The following KDM4B variants were observed in gnomAD, a reference collection of about 807,000 sequenced individuals.
KDM4B encodes the protein lysine-specific demethylase 4B.
KDM4B carries 32 observed loss-of-function variants against 125.2 expected under a neutral mutation model. The ratio of observed to expected loss-of-function variants is 0.26; its 90% CI spans 0.19 to 0.34. The LOEUF is 0.34. Among genes scored for constraint, KDM4B ranks in the 10% least tolerant of loss-of-function variants. The pLI is 1.00. For missense variants in KDM4B, 1,190 were observed against 1,577.7 expected, an observed-to-expected ratio of 0.75 and a Z score of 4.16; for synonymous variants, 721 against 677.9, an observed-to-expected ratio of 1.06 and a Z score of -0.99.
In KDM4B at chr19:5,152,489, C is replaced by T. The variant is rs1444661234; in HGVS notation, c.*978C>T. ...CCTTCTGGTTGGTAGTGAGTGTGGACAGCTTCCCAGCTCTTCGGGTACAAC... is the reference window on the plus strand; with the variant it reads ...CCTTCTGGTTGGTAGTGAGTGTGGATAGCTTCCCAGCTCTTCGGGTACAAC... On this transcript the variant is annotated 3_prime_UTR_variant, in exon 23 of 23. Coordinates refer to ENST00000159111, the MANE Select transcript of KDM4B (RefSeq NM_015015.3). The T allele has an allele frequency of 6.6e-6, 1 of 152,312 alleles. No homozygotes were observed. Among genetic ancestry groups the T allele is most frequent in the Non-Finnish European group, 1.5e-5 (1 of 68,114 alleles). 9.4% of individuals were successfully genotyped at this position (152,312 alleles called of 1,614,324 possible). A position where few individuals can be genotyped will look rare whatever the true frequency, so the allele number is the denominator to read the frequency against.
Position 5,137,626 on chromosome 19 carries a change from C to T in KDM4B, c.2391C>T (p.Cys797=). The stretch of plus-strand genomic sequence containing the variant: ...GGGCTGTCTGGTCTCCACAGGAGTG[C>T]TGCCTGTGCAACCTGCGAGGAGGTG... ...RCAAHAWTAE[C]CLCNLRGGAL... Residue 797 remains cysteine, a synonymous_variant, in exon 17 of 23, where the codon TGC becomes TGT. Coordinates refer to ENST00000159111, the MANE Select transcript of KDM4B (RefSeq NM_015015.3). 2 of 1,604,334 alleles carry T rather than the reference C, an allele frequency of 1.2e-6. No homozygotes were observed. Among genetic ancestry groups the T allele is most frequent in the Non-Finnish European group, 1.7e-6 (2 of 1,178,438 alleles).
chr19:4,996,478 G>T (rs1326601134), intron 1 of KDM4B, among the ~76,000 whole-genome samples: 1 of 151,732 alleles, frequency 6.6e-6, no homozygotes, highest in Admixed American at 6.6e-5. Context: ...GGGCTCAAGC[G>T]ATCTCTTGCC....
chr19:5,004,481 A>T (rs574368886), intron 1 of KDM4B, among the ~76,000 whole-genome samples: 1 of 151,948 alleles, frequency 6.6e-6, no homozygotes, highest in Non-Finnish European at 1.5e-5. Context: ...CGTCAGGCCC[A>T]CCCCAGCCCG....
rs751488343 is a variant in KDM4B at position 5,047,535 on chromosome 19, G to A, written c.492G>A (p.Glu164=). 3 of 1,613,728 alleles carry A rather than the reference G, an allele frequency of 1.9e-6. No homozygotes were observed. The highest frequency in any genetic ancestry group is 2.7e-5 in the African/African-American group (2 of 74,930). Residue 164 remains glutamate (E), a synonymous_variant, in exon 6 of 23, where the codon GAG becomes GAA. Transcript: ENST00000159111. ...LRTILDMVER[E]CGTIIEGVNT... ...CCATCCTGGACATGGTGGAGCGCGA[G>A]TGCGGCACCATCATCGAGGGCGTGA...
At chr19:5,139,074 C>CA (rs1206199745) in intron 18 of KDM4B, among the ~76,000 whole-genome samples, 8 of 152,072 alleles carry the variant, frequency 5.3e-5, no homozygotes, top group Non-Finnish European at 1.0e-4. Context: ...AAGCACGTGC[C>CA]AAAAAGTTAG....
chr19:5,094,197 G>C (rs1222604931), intron 9 of KDM4B, among the ~76,000 whole-genome samples: 1 of 152,226 alleles, frequency 6.6e-6, no homozygotes, highest in African/African-American at 2.4e-5. Context: ...CTGACCCCCG[G>C]CAGGCCCTGA....
rs2035233959 is a variant in KDM4B at position 4,997,345 on chromosome 19, TC to T, written c.-108-18907del. ...AGTTTGTGTCCCACTTAGAGAGGTTTCCCCCGCCCTAGGAGTCCAGGAGCGT... is the reference window on the plus strand; with the variant it reads ...AGTTTGTGTCCCACTTAGAGAGGTTTCCCCGCCCTAGGAGTCCAGGAGCGT... On this transcript the variant is annotated intron_variant, in intron 1 of 22. Transcript: ENST00000159111. This position sits in a 1 kb window ranked among gnomAD's most constrained non-coding sequence, Gnocchi z 4.2. 6.6e-6 allele frequency among the ~76,000 whole-genome samples: 1 copy of T among 152,094 alleles called. No individual in the cohort carries two copies. The highest frequency in any genetic ancestry group is 2.1e-4 in the South Asian group (1 of 4,838).
rs751972723 is a variant in KDM4B at position 5,131,523 on chromosome 19, A to G, written c.1763A>G (p.Lys588Arg). 15 of 1,222,488 alleles carry G rather than the reference A, an allele frequency of 1.2e-5. No individual in the cohort carries two copies. Among genetic ancestry groups the G allele is most frequent in the African/African-American group, 3.2e-5 (1 of 31,128 alleles). The allele number at this position is 1,222,488 out of a possible 1,614,324, so 75.7% of individuals were successfully genotyped here. A position where few individuals can be genotyped will look rare whatever the true frequency, so the allele number is the denominator to read the frequency against. The change falls in exon 12 of 23, where the codon AAA becomes AGA. Residue 588 changes from lysine (K) to arginine (R), a missense_variant. Coordinates refer to ENST00000159111, the MANE Select transcript of KDM4B (RefSeq NM_015015.3). ...ASSGAGRMETKARAGEGQAPS... is the reference protein window; with the variant it reads ...ASSGAGRMETRARAGEGQAPS... The stretch of plus-strand genomic sequence containing the variant: ...AGTGGGGCAGGTCGCATGGAGACCA[A>G]AGCCCGGGCCGGAGAGGGGCAGGTG...
intron 10 of KDM4B, among the ~76,000 whole-genome samples, chr19:5,117,228 C>T (rs2039274367): frequency 6.6e-6 from 1 of 151,246 alleles, no homozygotes; most frequent in Admixed American, 6.6e-5. Context: ...CTGGGGCAGA[C>T]ACAGTAAGGC....
chr19:5,099,411 A>G (rs1370575996), intron 9 of KDM4B, among the ~76,000 whole-genome samples: 3 of 152,222 alleles, frequency 2.0e-5, no homozygotes, highest in Admixed American at 2.0e-4. Flanking sequence ...GGGATGTGCA[A>G]GACAATTGAA....
At chr19:5,137,047 C>T (rs1014744331) in intron 15 of KDM4B, among the ~76,000 whole-genome samples, 3 of 152,214 alleles carry the variant, frequency 2.0e-5, no homozygotes, top group African/African-American at 7.2e-5. Flanking sequence ...AAGTAGCTTC[C>T]AGACCTTTCT....
intron 6 of KDM4B, among the ~76,000 whole-genome samples, chr19:5,054,136 G>A (rs2037319927): frequency 6.6e-6 from 1 of 152,338 alleles, no homozygotes; most frequent in African/African-American, 2.4e-5. Flanking sequence ...CCAGGCTGGA[G>A]TGCAGTCGTA....
At chr19:5,109,755 G>A (rs543880040) in intron 9 of KDM4B, among the ~76,000 whole-genome samples, 47 of 152,278 alleles carry the variant, frequency 3.1e-4, no homozygotes, top group African/African-American at 8.7e-4. Context: ...TGAGGCGTGC[G>A]GGAGCCTGTG....
At chr19:5,150,096 T>C (rs2039919403) in intron 21 of KDM4B, among the ~76,000 whole-genome samples, 1 of 152,234 alleles carries the variant, frequency 6.6e-6, no homozygotes, top group African/African-American at 2.4e-5. Context: ...TGTCTCCATG[T>C]GGAAGCTGCG....
rs940291953 is a variant in KDM4B at position 5,141,806 on chromosome 19, G to A, written c.2551-2161G>A. ...CGGCTGGGCAGGTTCCTGGCAGCAG[G>A]CAAAAGCACCGGGAGCTCCCTGGAG... On this transcript the variant is annotated intron_variant, in intron 18 of 22. Transcript: ENST00000159111. This position sits in a 1 kb window ranked among gnomAD's most constrained non-coding sequence, Gnocchi z 6.4. 6.6e-6 allele frequency among the ~76,000 whole-genome samples: 1 copy of A among 152,208 alleles called. No individual in the cohort carries two copies. The highest frequency in any genetic ancestry group is 1.5e-5 in the Non-Finnish European group (1 of 68,030).
rs1003820681 is a variant in KDM4B, at chr19:5,131,365, G to A, written c.1605G>A (p.Pro535=). 25 of 1,611,858 alleles carry A rather than the reference G, an allele frequency of 1.6e-5. No homozygotes were observed. The highest frequency in any genetic ancestry group is 1.6e-4 in the Middle Eastern group (1 of 6,084). Residue 535 remains proline, a synonymous_variant, in exon 12 of 23, where the codon CCG becomes CCA. Transcript: ENST00000159111. The part of the protein sequence containing the change: ...IIPMLYVVPR[P]GKAAFNQEHV... The stretch of plus-strand genomic sequence containing the variant: ...CCATGCTGTACGTGGTGCCGCGGCC[G>A]GGCAAGGCAGCCTTCAACCAGGAGC...
At chr19:4,987,835 G>T (rs2034892882) in intron 1 of KDM4B, among the ~76,000 whole-genome samples, 1 of 152,214 alleles carries the variant, frequency 6.6e-6, no homozygotes, top group Non-Finnish European at 1.5e-5. Flanking sequence ...CTCAGGAGAA[G>T]GGGGTCTGGG....
intron 1 of KDM4B, among the ~76,000 whole-genome samples, chr19:5,001,328 A>G (rs776245178): frequency 1.3e-5 from 2 of 151,976 alleles, no homozygotes; most frequent in Non-Finnish European, 2.9e-5. Context: ...CTGGCCTTAT[A>G]CCTTTTCTTT....
chr19:5,013,525 G>T (rs144661566), intron 1 of KDM4B, among the ~76,000 whole-genome samples: 25 of 152,320 alleles, frequency 1.6e-4, no homozygotes, highest in Non-Finnish European at 2.9e-4. Flanking sequence ...ATGTGGGCAG[G>T]GCTGTTCCTT....
Sources: gnomAD v4.1 joint callset for allele counts (sites outside exome capture counted in the v4.1 genomes callset) on GRCh38, gnomAD v4.1.1 for gene constraint, Gnocchi (gnomAD v3.1) non-coding constraint, MANE v1.5 for transcripts, NCBI Gene and HGNC (gene_info 2026-07-23, HGNC 2026-07-21) for gene names.